Variants in TNNI3K observed in about 807,000 individuals in gnomAD.
TNNI3K encodes serine/threonine-protein kinase TNNI3K.
Under a neutral mutation model 114.5 loss-of-function variants are expected in TNNI3K, and 140 were observed. The observed-to-expected ratio is 1.22, with a 90% CI of 1.07 to 1.41. The LOEUF (loss-of-function observed/expected upper bound fraction) is 1.41, where lower values mean the gene tolerates loss of function less well. Among genes scored for constraint, TNNI3K ranks in the 40% most tolerant of loss-of-function variants. TNNI3K has a pLI of 0.00. For synonymous variants in TNNI3K, 347 were observed against 347.5 expected (o/e 1.00, Z 0.02); for missense variants, 1,125 against 1,007.6 (o/e 1.12, Z -1.58).
chr1:74,521,652 A>T (rs188817618), intron 23 of TNNI3K, among the ~76,000 whole-genome samples: 31 of 152,290 alleles, frequency 2.0e-4, no homozygotes, highest in African/African-American at 5.5e-4. Context: ...CATGGAGGTC[A>T]CAGTGATCAG....
chr1:74,498,034 C>T (rs1669422577), intron 23 of TNNI3K, among the ~76,000 whole-genome samples: 1 of 152,094 alleles, frequency 6.6e-6, no homozygotes, highest in African/African-American at 2.4e-5. Context: ...TAAAGAGATG[C>T]TATTACCATT....
At chr1:74,394,648 G>A (rs1302947121) in intron 17 of TNNI3K, among the ~76,000 whole-genome samples, 1 of 152,146 alleles carries the variant, frequency 6.6e-6, no homozygotes, top group African/African-American at 2.4e-5. Context: ...TATTCAGCCT[G>A]CCCAGCTATT....
intron 23 of TNNI3K, among the ~76,000 whole-genome samples, chr1:74,514,797 C>T (rs1197417104): frequency 1.3e-5 from 2 of 151,910 alleles, no homozygotes; most frequent in Non-Finnish European, 2.9e-5. Flanking sequence ...AATTGTATCC[C>T]CCAAAAAGAT....
chr1:74,435,787 G>A (rs1365114033), intron 17 of TNNI3K, among the ~76,000 whole-genome samples: 2 of 152,004 alleles, frequency 1.3e-5, no homozygotes, highest in Non-Finnish European at 2.9e-5. Flanking sequence ...GAGCCTCAAG[G>A]AGCTGAAAAA....
At chr1:74,394,741 A>G (rs988134941) in intron 17 of TNNI3K, among the ~76,000 whole-genome samples, 54 of 152,366 alleles carry the variant, frequency 3.5e-4, no homozygotes, top group African/African-American at 1.3e-3. Flanking sequence ...ATGCAGCAGG[A>G]CAACCCTAAA....
intron 5 of TNNI3K, among the ~76,000 whole-genome samples, chr1:74,310,996 G>A (rs1658960677): frequency 6.6e-6 from 1 of 152,118 alleles, no homozygotes; most frequent in Non-Finnish European, 1.5e-5. Context: ...CTAACCTTAA[G>A]AAAGCCCTAA....
Position 74,367,918 on chromosome 1 carries a change from T to G in TNNI3K, c.1275T>G (p.Tyr425Ter). The change falls in exon 13 of 25, where the codon TAT becomes TAG. Residue 425 changes from tyrosine (Y) to a stop codon, truncating the protein, a stop_gained. Coordinates refer to ENST00000326637, the MANE Select transcript of TNNI3K (RefSeq NM_015978.3). LOFTEE classifies it high-confidence loss of function. ...EYSQPGGDGSYVSVPSPLGKI... is the reference protein window; with the variant it reads ...EYSQPGGDGS ...TAATTTAATTTCTAGATGGCTCCTA[T>G]GTGTCTGTTCCATCACCCTTGGGGA... is the stretch of plus-strand genomic sequence containing the variant. 1 of 1,577,346 alleles carries G rather than the reference T, an allele frequency of 6.3e-7. No homozygotes were observed. Among genetic ancestry groups the G allele is most frequent in the Non-Finnish European group, 8.6e-7 (1 of 1,166,554 alleles).
chr1:74,312,247 T>TC (rs1659035510), intron 5 of TNNI3K, among the ~76,000 whole-genome samples: 1 of 152,210 alleles, frequency 6.6e-6, no homozygotes, highest in Non-Finnish European at 1.5e-5. Context: ...TCACTATCAG[T>TC]CTCATTTGTT....
chr1:74,423,369 TC>T (rs1665489463), intron 17 of TNNI3K, among the ~76,000 whole-genome samples: 1 of 152,236 alleles, frequency 6.6e-6, no homozygotes, highest in East Asian at 1.9e-4. Context: ...AAGCAGATGT[TC>T]CCAAATTAAT....
chr1:74,293,861 TTTCCTTCTA>T (rs1657818992), intron 5 of TNNI3K, among the ~76,000 whole-genome samples: 1 of 151,772 alleles, frequency 6.6e-6, no homozygotes, highest in African/African-American at 2.4e-5. Context: ...TTAAGAATTT[TTTCCTTCTA>T]TTGTTTGCTA....
intron 23 of TNNI3K, among the ~76,000 whole-genome samples, chr1:74,514,848 T>C (rs1646326277): frequency 6.6e-6 from 1 of 152,182 alleles, no homozygotes; most frequent in African/African-American, 2.4e-5. Flanking sequence ...AATGTGACCC[T>C]ATTTGGAAAC....
Position 74,463,539 on chromosome 1 carries a change from G to C in TNNI3K, c.2110G>C (p.Ala704Pro), listed in dbSNP as rs142979318. Residue 704 changes from alanine (A) to proline (P), a missense_variant, in exon 21 of 25, where the codon GCA becomes CCA. Transcript: ENST00000326637. ...ATCTCTGCTGATACGAGGGTGGAAC[G>C]CATGTCCTGAAGTGAGTAATTTTTA... ...ISSLLIRGWN[A>P]CPEGRPEFSE... 2.5e-6 allele frequency: 4 copies of C among 1,614,072 alleles called. No homozygotes were observed. The highest frequency in any genetic ancestry group is 1.3e-5 in the African/African-American group (1 of 74,924).
intron 5 of TNNI3K, among the ~76,000 whole-genome samples, chr1:74,290,072 G>A (rs1159806357): frequency 1.3e-5 from 2 of 151,772 alleles, no homozygotes; most frequent in South Asian, 4.1e-4. Flanking sequence ...GAAACCTCCT[G>A]TGAATGAGGC....
chr1:74,377,376 G>T (rs1350263586), intron 17 of TNNI3K, among the ~76,000 whole-genome samples: 1 of 151,982 alleles, frequency 6.6e-6, no homozygotes, highest in Non-Finnish European at 1.5e-5. Context: ...AGATTTGGCA[G>T]TTTCCATGGG....
intron 7 of TNNI3K, among the ~76,000 whole-genome samples, chr1:74,340,320 C>T (rs376017815): frequency 1.3e-5 from 2 of 152,036 alleles, no homozygotes; most frequent in East Asian, 1.9e-4. Context: ...GTTTTAAATT[C>T]TCCTTTATAT....
chr1:74,242,884 C>G (rs575760535), intron 2 of TNNI3K, among the ~76,000 whole-genome samples: 1 of 151,026 alleles, frequency 6.6e-6, no homozygotes, highest in Admixed American at 6.6e-5. Flanking sequence ...TATTGTTCTC[C>G]CTCTCCTTCT....
At chr1:74,528,715 C>T (rs1027220812) in intron 23 of TNNI3K, among the ~76,000 whole-genome samples, 1 of 152,184 alleles carries the variant, frequency 6.6e-6, no homozygotes, top group South Asian at 2.1e-4. Flanking sequence ...AATGTGTTTA[C>T]ACACCTATGT....
At chr1:74,288,682 T>TG (rs150436066) in intron 5 of TNNI3K, among the ~76,000 whole-genome samples, 1,729 of 152,216 alleles carry the variant, frequency 0.011, 89 homozygotes, top group Admixed American at 0.084. Flanking sequence ...GAATAAATTC[T>TG]GGAGATCTAA....
rs112972760 is a variant in TNNI3K, at chr1:74,400,641, C to T, written c.1772+30249C>T. ...GCAGAAATCAGACCCTACAGCAATTCCCTCCTTCTCCATAGGAAATATGAA... is the reference window on the plus strand; with the variant it reads ...GCAGAAATCAGACCCTACAGCAATTTCCTCCTTCTCCATAGGAAATATGAA... On this transcript the variant is annotated intron_variant, in intron 17 of 24. Coordinates refer to ENST00000326637, the MANE Select transcript of TNNI3K (RefSeq NM_015978.3). Among the ~76,000 whole-genome samples the T allele has an allele frequency of 5.0e-3, 760 of 152,308 alleles. 8 individuals are homozygous for T. The highest frequency in any genetic ancestry group is 0.018 in the African/African-American group (731 of 41,558).
Sources: gnomAD v4.1 joint callset for allele counts (sites outside exome capture counted in the v4.1 genomes callset) on GRCh38, gnomAD v4.1.1 for gene constraint, MANE v1.5 for transcripts, NCBI Gene and HGNC (gene_info 2026-07-23, HGNC 2026-07-21) for gene names.